The following LSAMP variants were observed in gnomAD, a reference collection of about 807,000 sequenced individuals.
LSAMP encodes the protein limbic system associated membrane protein, also known as limbic system-associated membrane protein.
A neutral mutation model predicts 38.6 loss-of-function variants in LSAMP; 7 were observed. The ratio of observed to expected loss-of-function variants is 0.18; its 90% CI spans 0.10 to 0.34. LSAMP has a LOEUF of 0.34. Among genes scored for constraint, LSAMP ranks in the 10% least tolerant of loss-of-function variants. The probability of loss-of-function intolerance (pLI) is 1.00; values close to 1 mark genes in which losing one functional copy is unlikely to be tolerated. For missense variants in LSAMP, 313 were observed against 420.0 expected, an observed-to-expected ratio of 0.75 and a Z score of 2.23; for synonymous variants, 154 against 166.8, an observed-to-expected ratio of 0.92 and a Z score of 0.59.
At chr3:115,908,875 G>C (rs545670636) in intron 3 of LSAMP, among the ~76,000 whole-genome samples, 1 of 152,090 alleles carries the variant, frequency 6.6e-6, no homozygotes, top group Non-Finnish European at 1.5e-5. Flanking sequence ...CCTTCTGTCC[G>C]GCACTTCTGT....
At chr3:116,058,616 T>G (rs1042769780) in intron 2 of LSAMP, among the ~76,000 whole-genome samples, 16 of 152,244 alleles carry the variant, frequency 1.1e-4, no homozygotes, top group Admixed American at 3.3e-4. Flanking sequence ...CTTCTGTAAT[T>G]GCTTTTACTT....
At chr3:116,151,189 C>G (rs72959802) in intron 1 of LSAMP, among the ~76,000 whole-genome samples, 4 of 151,952 alleles carry the variant, frequency 2.6e-5, no homozygotes, top group African/African-American at 7.3e-5. Context: ...AAGAATCTTA[C>G]TTTAAATGAG....
At chr3:116,237,859 AG>A (rs1475279203) in intron 1 of LSAMP, among the ~76,000 whole-genome samples, 3 of 152,210 alleles carry the variant, frequency 2.0e-5, no homozygotes, top group Non-Finnish European at 4.4e-5. Context: ...AATAGTTTGG[AG>A]GGCAGACATC....
At chr3:116,060,152 A>C (rs1456097589) in intron 2 of LSAMP, among the ~76,000 whole-genome samples, 1 of 141,492 alleles carries the variant, frequency 7.1e-6, no homozygotes, top group African/African-American at 2.7e-5. Flanking sequence ...CCCTTCCTTC[A>C]TTTCTCCTCT....
At chr3:115,878,364 GACAA>G (rs1440432917) in intron 3 of LSAMP, among the ~76,000 whole-genome samples, 3 of 150,474 alleles carry the variant, frequency 2.0e-5, no homozygotes, top group Admixed American at 6.7e-5. Flanking sequence ...TATAAAGAGT[GACAA>G]ACAAGGAAGA....
chr3:115,942,711 C>T (rs370625341), intron 3 of LSAMP, among the ~76,000 whole-genome samples: 47 of 152,174 alleles, frequency 3.1e-4, no homozygotes, highest in African/African-American at 9.9e-4. Context: ...GATTCTGATT[C>T]GGTAAATCTA....
chr3:116,270,209 C>T (rs565179506), intron 1 of LSAMP, among the ~76,000 whole-genome samples: 15 of 152,010 alleles, frequency 9.9e-5, no homozygotes, highest in South Asian at 2.1e-4. Flanking sequence ...AATTAGTCAC[C>T]GCAGACCCTT....
chr3:116,042,768 T>C (rs1941203492), intron 2 of LSAMP, among the ~76,000 whole-genome samples: 1 of 152,184 alleles, frequency 6.6e-6, no homozygotes, highest in African/African-American at 2.4e-5. Flanking sequence ...CTGCATGATT[T>C]CTTTCTTTTT....
chr3:115,958,834 A>T (rs1371944657), intron 3 of LSAMP, among the ~76,000 whole-genome samples: 1 of 152,204 alleles, frequency 6.6e-6, no homozygotes, highest in Admixed American at 6.5e-5. Context: ...AATTGTCTCC[A>T]AATGATACAA....
rs184955901 is a variant in LSAMP, at chr3:116,041,702, T to C, written c.389-22062A>G. 1.0e-3 allele frequency among the ~76,000 whole-genome samples: 152 copies of C among 149,170 alleles called. No individual in the cohort carries two copies. In the East Asian group the frequency reaches 0.016, roughly 16 times the overall value. On this transcript the variant is annotated intron_variant, in intron 2 of 6. Coordinates refer to ENST00000490035, the MANE Select transcript of LSAMP (RefSeq NM_002338.5). ...GAAACCTCTCAGTCCTCTCAATATA[T>C]ACAACTCCTGAGATAACACTTGATT... is the stretch of plus-strand genomic sequence containing the variant.
chr3:116,278,319 T>C (rs2047081187), intron 1 of LSAMP, among the ~76,000 whole-genome samples: 1 of 152,168 alleles, frequency 6.6e-6, no homozygotes, highest in African/African-American at 2.4e-5. Context: ...GATTATATAT[T>C]GTCTAGGTTT....
intron 2 of LSAMP, among the ~76,000 whole-genome samples, chr3:116,081,940 T>G (rs1707881130): frequency 1.3e-5 from 2 of 152,180 alleles, no homozygotes; most frequent in Admixed American, 1.3e-4. Flanking sequence ...GAGCAAAAGA[T>G]TCAACATAAA....
chr3:115,875,971 C>T (rs191991295), intron 3 of LSAMP, among the ~76,000 whole-genome samples: 128 of 152,202 alleles, frequency 8.4e-4, no homozygotes, highest in African/African-American at 3.0e-3. Flanking sequence ...AAATTCTCCC[C>T]TAACTTCCAC....
intron 1 of LSAMP, among the ~76,000 whole-genome samples, chr3:116,375,213 C>G (rs1204355654): frequency 2.6e-5 from 4 of 151,842 alleles, no homozygotes; most frequent in Non-Finnish European, 4.4e-5. Context: ...CTATTTCAAC[C>G]ACTGTTGGAA....
intron 1 of LSAMP, among the ~76,000 whole-genome samples, chr3:116,156,243 T>C (rs568446190): frequency 6.6e-6 from 1 of 152,262 alleles, no homozygotes; most frequent in South Asian, 2.1e-4. Context: ...TATATTAGAA[T>C]TGATCAGATC....
At chr3:116,274,942 A>T (rs2047026806) in intron 1 of LSAMP, among the ~76,000 whole-genome samples, 1 of 113,576 alleles carries the variant, frequency 8.8e-6, no homozygotes, top group Non-Finnish European at 1.9e-5. Context: ...AATAACATCG[A>T]GTAAAAATAG....
intron 1 of LSAMP, among the ~76,000 whole-genome samples, chr3:116,377,726 T>A (rs1215255050): frequency 6.6e-6 from 1 of 152,098 alleles, no homozygotes; most frequent in Non-Finnish European, 1.5e-5. Context: ...ATGCTCTTCA[T>A]GACTTCTAAT....
At chr3:116,309,291 G>GCAAT (rs1003862556) in intron 1 of LSAMP, among the ~76,000 whole-genome samples, 2 of 151,950 alleles carry the variant, frequency 1.3e-5, no homozygotes, top group African/African-American at 4.8e-5. Flanking sequence ...AGTATAATCT[G>GCAAT]GTAAAGGAAT....
chr3:115,843,547 T>C (rs1935065198), intron 4 of LSAMP, among the ~76,000 whole-genome samples: 1 of 152,122 alleles, frequency 6.6e-6, no homozygotes. Flanking sequence ...TATGTACACA[T>C]GGGGAAAACA....
Sources: gnomAD v4.1 joint callset for allele counts (sites outside exome capture counted in the v4.1 genomes callset) on GRCh38, gnomAD v4.1.1 for gene constraint, MANE v1.5 for transcripts, NCBI Gene and HGNC (gene_info 2026-07-23, HGNC 2026-07-21) for gene names.